Variants in RALGAPA1 observed in about 807,000 individuals in gnomAD.
RALGAPA1 encodes Ral GTPase activating protein catalytic subunit alpha 1, also known as ral GTPase-activating protein subunit alpha-1.
Under a neutral mutation model 269.6 loss-of-function variants are expected in RALGAPA1, and 52 were observed. The observed-to-expected ratio is 0.19, with a 90% CI of 0.15 to 0.24. The LOEUF (loss-of-function observed/expected upper bound fraction) is 0.24. Ranked by LOEUF, RALGAPA1 falls within the 10% of genes least tolerant of loss-of-function variation. The probability of loss-of-function intolerance (pLI) is 1.00; values close to 1 mark genes in which losing one functional copy is unlikely to be tolerated. For synonymous variants in RALGAPA1, 817 were observed against 1,008.3 expected, an observed-to-expected ratio of 0.81 and a Z score of 3.60; for missense variants, 1,917 against 3,013.9, an observed-to-expected ratio of 0.64 and a Z score of 8.52.
At chr14:35,764,529 TTTTATTTATTTA>T (rs368091853) in intron 4 of RALGAPA1, among the ~76,000 whole-genome samples, 2 of 151,688 alleles carry the variant, frequency 1.3e-5, no homozygotes, top group Non-Finnish European at 2.9e-5. Context: ...TGCAGATAAG[TTTTATTTATTTA>T]TTTATTTATT....
chr14:35,659,268 G>C, intron 27 of RALGAPA1, 72 bp from the exon 28 acceptor site: 2 of 1,169,984 alleles, frequency 1.7e-6, no homozygotes, highest in South Asian at 2.7e-5. Flanking sequence ...TATTTATTAA[G>C]TGGTTATTAA....
intron 1 of RALGAPA1, among the ~76,000 whole-genome samples, chr14:35,804,353 G>A (rs1030013736): frequency 2.0e-5 from 3 of 151,202 alleles, no homozygotes; most frequent in African/African-American, 4.9e-5. Flanking sequence ...TGAGGATCAC[G>A]AGGTCAGGAG....
chr14:35,587,040 C>T (rs1566754738), intron 37 of RALGAPA1, among the ~76,000 whole-genome samples: 1 of 152,156 alleles, frequency 6.6e-6, no homozygotes, highest in Non-Finnish European at 1.5e-5. Context: ...AGGAATGGTA[C>T]CAGCTCCTCT....
chr14:35,664,762 T>C lies in RALGAPA1; in HGVS notation c.5208A>G (p.Pro1736=). ...RVASSAFLNA[P]RVEAQVLLGS... ...CCAGAAGAACTTGTGCTTCTACTCTTGGTGCCTATGTATCACATTTTTAAA... is the reference window on the plus strand; with the variant it reads ...CCAGAAGAACTTGTGCTTCTACTCTCGGTGCCTATGTATCACATTTTTAAA... The change falls in exon 27 of 42, where the codon CCA becomes CCG. Residue 1736 remains proline, a synonymous_variant. Transcript: ENST00000680220. 6.2e-7 allele frequency: 1 copy of C among 1,608,124 alleles called. No homozygotes were observed.
At chr14:35,596,891 C>T (rs762541460) in intron 36 of RALGAPA1, among the ~76,000 whole-genome samples, 45 of 152,128 alleles carry the variant, frequency 3.0e-4, no homozygotes, top group African/African-American at 6.8e-4. Flanking sequence ...CATCCATTCA[C>T]GTTAGTGTGC....
chr14:35,566,115 C>T (rs2056678215), intron 39 of RALGAPA1, among the ~76,000 whole-genome samples: 1 of 151,746 alleles, frequency 6.6e-6, no homozygotes, highest in African/African-American at 2.4e-5. Context: ...AATTGAGCTC[C>T]AGACCCCTCC....
intron 4 of RALGAPA1, chr14:35,765,944 A>C: frequency 7.4e-7 from 1 of 1,359,168 alleles, no homozygotes. Context: ...GCGTATTTGG[A>C]CCAGTTAAAA....
intron 35 of RALGAPA1, among the ~76,000 whole-genome samples, chr14:35,621,062 C>T (rs933637680): frequency 2.6e-5 from 4 of 152,130 alleles, no homozygotes; most frequent in Admixed American, 2.0e-4. Context: ...CAAGACAATC[C>T]TAAGCAAAAA....
rs1185756907 is a variant in RALGAPA1 at position 35,748,774 on chromosome 14, A to C, written c.1062T>G (p.Ala354=). Residue 354 remains alanine, a synonymous_variant, in exon 10 of 42, where the codon GCT becomes GCG. Coordinates refer to ENST00000680220, the MANE Select transcript of RALGAPA1 (RefSeq NM_001346249.2). ...VSREESKNDN[A]DKTDRTTEPE... The stretch of plus-strand genomic sequence containing the variant: ...GTTCTGTAGTTCTGTCTGTTTTATC[A>C]GCATTATCATTTTTGCTTTCTTCTC... The C allele has an allele frequency of 6.2e-7, 1 of 1,612,644 alleles. No individual in the cohort carries two copies. Among genetic ancestry groups the C allele is most frequent in the African/African-American group, 1.3e-5 (1 of 74,778 alleles).
chr14:35,634,325 C>T (rs1454161936), intron 33 of RALGAPA1, among the ~76,000 whole-genome samples: 2 of 152,152 alleles, frequency 1.3e-5, no homozygotes, highest in Non-Finnish European at 1.5e-5. Flanking sequence ...AAATCTTTAA[C>T]ACTTCTGGTC....
At chr14:35,798,601 T>A (rs186232630) in intron 1 of RALGAPA1, among the ~76,000 whole-genome samples, 76 of 152,298 alleles carry the variant, frequency 5.0e-4, no homozygotes, top group African/African-American at 1.8e-3. Flanking sequence ...AAATTATGTA[T>A]CCAAAAACAT....
At chr14:35,759,796 C>T (rs1333679323) in intron 6 of RALGAPA1, among the ~76,000 whole-genome samples, 1 of 151,496 alleles carries the variant, frequency 6.6e-6, no homozygotes, top group Non-Finnish European at 1.5e-5. Flanking sequence ...CCTGTAGTCC[C>T]AGCTACTCGG....
intron 20 of RALGAPA1, among the ~76,000 whole-genome samples, 156 bp downstream of exon 20, chr14:35,684,773 T>C (rs183130235): frequency 9.3e-4 from 142 of 151,998 alleles, no homozygotes; most frequent in Non-Finnish European, 1.3e-3. Context: ...CCAGACAACA[T>C]AGCAAGACCA....
chr14:35,639,887 C>G (rs1176473519), intron 31 of RALGAPA1, among the ~76,000 whole-genome samples: 2 of 149,428 alleles, frequency 1.3e-5, no homozygotes, highest in Non-Finnish European at 3.0e-5. Flanking sequence ...TGCAGTGAGT[C>G]AAGATTGCAC....
chr14:35,671,362 T>C (rs752593138), intron 26 of RALGAPA1, 27 bp downstream of exon 26: 2 of 1,560,804 alleles, frequency 1.3e-6, no homozygotes, highest in Admixed American at 1.8e-5. Context: ...AAGTTTGTTA[T>C]ATGATAAGGA....
chr14:35,652,284 C>A (rs1024133245), intron 30 of RALGAPA1, among the ~76,000 whole-genome samples: 22 of 152,062 alleles, frequency 1.4e-4, no homozygotes, highest in African/African-American at 4.8e-4. Context: ...GCGACAGAGA[C>A]CCTGTCTCAA....
chr14:35,790,558 G>A (rs1397367582), intron 1 of RALGAPA1, among the ~76,000 whole-genome samples: 1 of 151,768 alleles, frequency 6.6e-6, no homozygotes, highest in Non-Finnish European at 1.5e-5. Context: ...TGTGCTAGCG[G>A]GTGCCTGTAA....
chr14:35,766,511 C>A, intron 4 of RALGAPA1: 1 of 1,230,208 alleles, frequency 8.1e-7, no homozygotes, highest in Non-Finnish European at 1.2e-6. Flanking sequence ...CAATTGTCTG[C>A]TACCATCTAT....
chr14:35,742,476 C>T lies in RALGAPA1; in HGVS notation c.1341G>A (p.Leu447=). Residue 447 remains leucine, a synonymous_variant, in exon 11 of 42, where the codon TTG becomes TTA. Transcript: ENST00000680220. ...QEWIQQEEKP[L]FMQEPEEIVI... ...CAATTTCTTCAGGCTCTTGCATGAA[C>T]AAAGGTTTTTCCTCTTGTTGGATCC... The T allele has an allele frequency of 6.3e-7, 1 of 1,599,052 alleles. No individual in the cohort carries two copies. The highest frequency in any genetic ancestry group is 8.6e-7 in the Non-Finnish European group (1 of 1,166,944).
Sources: gnomAD v4.1 joint callset for allele counts (sites outside exome capture counted in the v4.1 genomes callset) on GRCh38, gnomAD v4.1.1 for gene constraint, MANE v1.5 for transcripts, NCBI Gene and HGNC (gene_info 2026-07-23, HGNC 2026-07-21) for gene names.